Variants in GTF3A observed in about 807,000 individuals in gnomAD.
The protein encoded by GTF3A is transcription factor IIIA.
Under a neutral mutation model 37.6 loss-of-function variants are expected in GTF3A, and 40 were observed. The observed-to-expected ratio is 1.06, with a 90% confidence interval of 0.83 to 1.38. The LOEUF (loss-of-function observed/expected upper bound fraction) is 1.38. Ranked by LOEUF, GTF3A falls within the 40% of genes most tolerant of loss-of-function variation. The pLI, the probability that GTF3A is intolerant of heterozygous loss-of-function variation, is 0.00. For synonymous variants in GTF3A, 191 were observed against 166.7 expected, an observed-to-expected ratio of 1.15 and a Z score of -1.12; for missense variants, 500 against 462.6, an observed-to-expected ratio of 1.08 and a Z score of -0.74.
chr13:27,432,495 A>G (rs983783874), intron 4 of GTF3A, among the ~76,000 whole-genome samples: 1 of 152,184 alleles, frequency 6.6e-6, no homozygotes, highest in African/African-American at 2.4e-5. Context: ...TAAAGATGAA[A>G]ACTGTTTAAA....
intron 1 of GTF3A, chr13:27,425,271 G>T: frequency 3.4e-6 from 1 of 294,456 alleles, no homozygotes; most frequent in Non-Finnish European, 6.4e-6. Context: ...CCTGGAGCTG[G>T]TACAGAAGAT....
intron 2 of GTF3A, among the ~76,000 whole-genome samples, chr13:27,427,939 C>T (rs1447775543): frequency 6.6e-6 from 1 of 151,972 alleles, no homozygotes; most frequent in African/African-American, 2.4e-5. Context: ...TCCCACTGCT[C>T]GCTGGACAGT....
chr13:27,429,919 A>G lies in GTF3A; in HGVS notation c.352A>G (p.Lys118Glu). 6.5e-7 allele frequency: 1 copy of G among 1,540,930 alleles called. No homozygotes were observed. Among genetic ancestry groups the G allele is most frequent in the African/African-American group, 1.4e-5 (1 of 72,852 alleles). Reference sequence around the variant, plus strand: ...AAAATTCAACACAAAATCAAACTTGAAGAAACATTTTGAACGCAAACATGA... The same window carrying G: ...AAAATTCAACACAAAATCAAACTTGGAGAAACATTTTGAACGCAAACATGA... The change falls in exon 3 of 9, where the codon AAG becomes GAG. Residue 118 changes from lysine to glutamate, a missense_variant. By Grantham distance (56) the Lys-to-Glu change is moderately conservative. Transcript: ENST00000381140.
intron 2 of GTF3A, among the ~76,000 whole-genome samples, chr13:27,428,497 C>T (rs1198271084): frequency 1.3e-5 from 2 of 152,202 alleles, no homozygotes; most frequent in African/African-American, 2.4e-5. Context: ...CAATGACCTG[C>T]GTGATTTAGC....
At position 27,434,149 on chromosome 13, in the gene GTF3A, T is replaced by C; in HGVS notation, c.573T>C (p.Cys191=). ...CAATTTTTTTAATAGGCTATGTATG[T>C]CAAAAAGGATGTTCCTTTGTGGCAA... Residue 191 remains cysteine (C), a synonymous_variant, in exon 6 of 9, where the codon TGT becomes TGC. Transcript: ENST00000381140. The C allele has an allele frequency of 7.8e-7, 1 of 1,285,358 alleles. No individual in the cohort carries two copies. The highest frequency in any genetic ancestry group is 1.1e-6 in the Non-Finnish European group (1 of 879,622). 79.6% of individuals were successfully genotyped at this position (1,285,358 alleles called of 1,614,324 possible).
chr13:27,427,199 A>T lies in GTF3A; in HGVS notation c.302+7A>T, dbSNP rs1163519860. ...CAGGAGAAAAGCCGTTTGTGTAAGT[A>T]GAGACCTGTTTTTAGGCTTTTGAAG... On this transcript the variant is annotated splice_region_variant and intron_variant, in intron 2 of 8. Transcript: ENST00000381140. 1 of 1,461,272 alleles carries T rather than the reference A, an allele frequency of 6.8e-7. No homozygotes were observed. The allele number at this position is 1,461,272 out of a possible 1,614,324, so 90.5% of individuals were successfully genotyped here.
Position 27,434,220 on chromosome 13 carries a change from G to C in GTF3A, c.643+1G>C, listed in dbSNP as rs1953686660. 8.6e-7 allele frequency: 1 copy of C among 1,160,276 alleles called. No individual in the cohort carries two copies. Among genetic ancestry groups the C allele is most frequent in the African/African-American group, 1.5e-5 (1 of 66,436 alleles). 71.9% of individuals were successfully genotyped at this position (1,160,276 alleles called of 1,614,324 possible). ...AAACATGTGAGAGAAACCCATAAAGGTAAGGCAGGCATGAATGGCAGGCAT... is the reference window on the plus strand; with the variant it reads ...AAACATGTGAGAGAAACCCATAAAGCTAAGGCAGGCATGAATGGCAGGCAT... On this transcript the variant is annotated splice_donor_variant, in intron 6 of 8. Transcript: ENST00000381140. LOFTEE classifies it high-confidence loss of function.
intron 5 of GTF3A, among the ~76,000 whole-genome samples, chr13:27,433,175 T>A (rs993508322): frequency 1.3e-5 from 2 of 148,726 alleles, no homozygotes; most frequent in Non-Finnish European, 3.0e-5. Context: ...GATAATCGTG[T>A]GACATTTTGA....
intron 4 of GTF3A, among the ~76,000 whole-genome samples, chr13:27,431,744 C>T (rs535535882): frequency 3.3e-5 from 5 of 152,068 alleles, no homozygotes; most frequent in East Asian, 3.9e-4. Flanking sequence ...ATCCACGTAA[C>T]GAAAAAACAC....
At chr13:27,430,126 GA>G (rs373117287) in intron 3 of GTF3A, among the ~76,000 whole-genome samples, 160 bp downstream of exon 3, 15 of 142,198 alleles carry the variant, frequency 1.1e-4, no homozygotes, top group Admixed American at 3.5e-4. Context: ...TGCTGTCTCT[GA>G]AAAAAAAAAA....
Position 27,435,647 on chromosome 13 carries a change from T to C in GTF3A, c.*50T>C. On this transcript the variant is annotated 3_prime_UTR_variant, in exon 9 of 9. Coordinates refer to ENST00000381140, the MANE Select transcript of GTF3A (RefSeq NM_002097.3). Reference sequence around the variant, plus strand: ...ACTGCAGACCAAGGAGCGAGCTTTCTCTCAGAGCATGCTTTTCTTTATTAA... The same window carrying C: ...ACTGCAGACCAAGGAGCGAGCTTTCCCTCAGAGCATGCTTTTCTTTATTAA... 1 of 1,612,678 alleles carries C rather than the reference T, an allele frequency of 6.2e-7. No homozygotes were observed. Among genetic ancestry groups the C allele is most frequent in the Non-Finnish European group, 8.5e-7 (1 of 1,178,906 alleles).
In GTF3A at chr13:27,435,565, C is replaced by T; in HGVS notation, c.1066C>T (p.Leu356Phe). The T allele has an allele frequency of 6.2e-7, 1 of 1,613,556 alleles. No homozygotes were observed. Among genetic ancestry groups the T allele is most frequent in the Non-Finnish European group, 8.5e-7 (1 of 1,179,582 alleles). Reference sequence around the variant, plus strand: ...ACCCAACTGTGTGGAAGACAAGATGCTCTCGACAGTTGCAGTACTTACCCT... The same window carrying T: ...ACCCAACTGTGTGGAAGACAAGATGTTCTCGACAGTTGCAGTACTTACCCT... The change falls in exon 9 of 9, where the codon CTC becomes TTC. Residue 356 changes from leucine (L) to phenylalanine (F), a missense_variant. Coordinates refer to ENST00000381140, the MANE Select transcript of GTF3A (RefSeq NM_002097.3).
At position 27,424,684 on chromosome 13, in the gene GTF3A, C is replaced by A. The variant is rs1388057166; in HGVS notation, c.-54C>A. On this transcript the variant is annotated 5_prime_UTR_variant, in exon 1 of 9. Coordinates refer to ENST00000381140, the MANE Select transcript of GTF3A (RefSeq NM_002097.3). The stretch of plus-strand genomic sequence containing the variant: ...GGGCCGGGCGCGCCGGTTCCCGGCA[C>A]GTGTCTCGGCACGTGGCAGCGCGCC... 7.9e-6 allele frequency: 10 copies of A among 1,266,708 alleles called. No homozygotes were observed. Among genetic ancestry groups the A allele is most frequent in the Non-Finnish European group, 1.0e-5 (10 of 980,854 alleles). 78.5% of individuals were successfully genotyped at this position (1,266,708 alleles called of 1,614,324 possible). A position where few individuals can be genotyped will look rare whatever the true frequency, so the allele number is the denominator to read the frequency against.
chr13:27,434,086 T>A, intron 5 of GTF3A, 53 bp from the exon 6 acceptor site: 1 of 770,476 alleles, frequency 1.3e-6, no homozygotes, highest in Non-Finnish European at 2.4e-6. Flanking sequence ...CTAGTTATGG[T>A]CAGTGTTTAC....
At chr13:27,433,576 TA>T (rs1317120993) in intron 5 of GTF3A, among the ~76,000 whole-genome samples, 1 of 147,200 alleles carries the variant, frequency 6.8e-6, no homozygotes, top group Non-Finnish European at 1.5e-5. Context: ...AAATATAATG[TA>T]CCCTACTTTT....
intron 3 of GTF3A, 116 bp from the exon 4 acceptor site, chr13:27,430,417 G>T (rs907704063): frequency 7.7e-5 from 48 of 623,002 alleles, no homozygotes; most frequent in Non-Finnish European, 1.2e-4. Flanking sequence ...AACAAAATGG[G>T]TGAAAGCAGA....
chr13:27,433,552 T>TTG (rs1953679174), intron 5 of GTF3A, among the ~76,000 whole-genome samples: 1 of 151,800 alleles, frequency 6.6e-6, no homozygotes, highest in Admixed American at 6.5e-5. Context: ...TTTTTTTTTT[T>TTG]TGTGATAAAG....
intron 6 of GTF3A, chr13:27,434,524 A>C (rs962717083): frequency 2.0e-5 from 9 of 459,622 alleles, no homozygotes; most frequent in Non-Finnish European, 3.5e-5. Flanking sequence ...GGGACAAGGA[A>C]GGACACTGGT....
Position 27,434,984 on chromosome 13 carries a change from C to G in GTF3A, c.823C>G (p.Arg275Gly). ...TATCCTCTCCTTCCATGAGGAAAGCCGCCCTTTTGTGTGTGAACATGCTGG... is the reference window on the plus strand; with the variant it reads ...TATCCTCTCCTTCCATGAGGAAAGCGGCCCTTTTGTGTGTGAACATGCTGG... The change falls in exon 7 of 9, where the codon CGC becomes GGC. Residue 275 changes from arginine (R) to glycine (G), a missense_variant. By Grantham distance (125) the Arg-to-Gly change is moderately radical. Coordinates refer to ENST00000381140, the MANE Select transcript of GTF3A (RefSeq NM_002097.3). The G allele has an allele frequency of 6.2e-7, 1 of 1,611,772 alleles. No homozygotes were observed. The highest frequency in any genetic ancestry group is 8.5e-7 in the Non-Finnish European group (1 of 1,177,876).
Sources: allele counts gnomAD v4.1 joint callset (sites outside exome capture counted in the v4.1 genomes callset), GRCh38; gene constraint gnomAD v4.1.1; transcripts MANE v1.5; gene names NCBI Gene and HGNC (gene_info 2026-07-23, HGNC 2026-07-21).